Variants in MSRB3 observed in about 807,000 individuals in gnomAD.
The protein encoded by MSRB3 is methionine-R-sulfoxide reductase B3.
Under a neutral mutation model 21.0 loss-of-function variants are expected in MSRB3, and 13 were observed. That is an observed-to-expected ratio of 0.62 (90% CI 0.40 to 0.98). The LOEUF is 0.98. Among genes scored for constraint, MSRB3 ranks in the 50% least tolerant of loss-of-function variants. The pLI, the probability that MSRB3 is intolerant of heterozygous loss-of-function variation, is 0.00. For missense variants in MSRB3, 199 were observed against 230.3 expected (o/e 0.86, Z 0.88); for synonymous variants, 87 against 88.6 (o/e 0.98, Z 0.10).
intron 5 of MSRB3, among the ~76,000 whole-genome samples, chr12:65,409,201 CACAT>C (rs903248085): frequency 5.9e-5 from 9 of 151,880 alleles, no homozygotes; most frequent in Admixed American, 1.3e-4. Context: ...TACACACACA[CACAT>C]ACACATACAC....
At chr12:65,376,892 T>C (rs1374300334) in intron 5 of MSRB3, among the ~76,000 whole-genome samples, 2 of 152,206 alleles carry the variant, frequency 1.3e-5, no homozygotes, top group Non-Finnish European at 2.9e-5. Flanking sequence ...AACTCATATG[T>C]GAAGCAAGAA....
intron 5 of MSRB3, among the ~76,000 whole-genome samples, chr12:65,404,530 C>T (rs1180186078): frequency 2.6e-5 from 4 of 152,124 alleles, no homozygotes; most frequent in African/African-American, 9.7e-5. Flanking sequence ...ACATTTATTC[C>T]TCCTAATGCT....
intron 6 of MSRB3, chr12:65,454,293 T>TTAAA (rs71434084): frequency 0.1 from 15,257 of 145,964 alleles, 896 homozygotes; most frequent in East Asian, 0.22. Flanking sequence ...GTCTCATAAA[T>TTAAA]TAAATAAATA....
intron 4 of MSRB3, among the ~76,000 whole-genome samples, chr12:65,334,879 C>T (rs1565839619): frequency 6.6e-6 from 1 of 152,172 alleles, no homozygotes; most frequent in Non-Finnish European, 1.5e-5. Flanking sequence ...GTCACATTTT[C>T]TCAAATAGCT....
At chr12:65,349,045 C>T (rs868839878) in intron 4 of MSRB3, among the ~76,000 whole-genome samples, 1 of 152,090 alleles carries the variant, frequency 6.6e-6, no homozygotes, top group African/African-American at 2.4e-5. Context: ...TCTCCCAGTG[C>T]TATCCCTCCC....
chr12:65,415,385 G>C (rs976035516), intron 5 of MSRB3, among the ~76,000 whole-genome samples: 2 of 152,132 alleles, frequency 1.3e-5, no homozygotes, highest in Non-Finnish European at 2.9e-5. Flanking sequence ...TCAGATGGCT[G>C]TCTGGAGTTT....
chr12:65,359,790 A>G (rs181304444), intron 4 of MSRB3, among the ~76,000 whole-genome samples: 132 of 152,258 alleles, frequency 8.7e-4, no homozygotes, highest in Non-Finnish European at 1.0e-4. Context: ...AAAGTGTGGA[A>G]GAACTGTATA....
rs149028932 is a variant in MSRB3 at position 65,359,294 on chromosome 12, G to T, written c.264-9704G>T. 5.5e-3 allele frequency among the ~76,000 whole-genome samples: 842 copies of T among 151,986 alleles called. 11 individuals are homozygous for T. The highest frequency in any genetic ancestry group is 0.019 in the African/African-American group (782 of 41,464). Reference sequence around the variant, plus strand: ...CCAAAGTGCTAGTCAACTCTGTATTGCTCTTGTCTGAGATTTTTACAGCTT... The same window carrying T: ...CCAAAGTGCTAGTCAACTCTGTATTTCTCTTGTCTGAGATTTTTACAGCTT... On this transcript the variant is annotated intron_variant, in intron 4 of 6. Transcript: ENST00000308259.
At chr12:65,290,853 T>C (rs566850149) in intron 1 of MSRB3, among the ~76,000 whole-genome samples, 2 of 152,304 alleles carry the variant, frequency 1.3e-5, no homozygotes, top group East Asian at 1.9e-4. Context: ...ATCAGACATA[T>C]ATAATTGCTA....
chr12:65,369,899 G>GT (rs923178981), intron 5 of MSRB3, among the ~76,000 whole-genome samples: 1 of 152,072 alleles, frequency 6.6e-6, no homozygotes, highest in Non-Finnish European at 1.5e-5. Context: ...CTTTAAAAAT[G>GT]TTTTTACTTA....
chr12:65,371,636 T>C (rs1878334839), intron 5 of MSRB3, among the ~76,000 whole-genome samples: 2 of 151,982 alleles, frequency 1.3e-5, no homozygotes, highest in Non-Finnish European at 2.9e-5. Flanking sequence ...ACACACAAAG[T>C]ATATCAAGGA....
intron 5 of MSRB3, among the ~76,000 whole-genome samples, chr12:65,397,781 C>G (rs1169497982): frequency 6.6e-6 from 1 of 152,076 alleles, no homozygotes; most frequent in East Asian, 1.9e-4. Context: ...CTGACAGGCC[C>G]CAATGTGTGA....
chr12:65,364,346 G>A (rs569745856), intron 4 of MSRB3, among the ~76,000 whole-genome samples: 1 of 152,202 alleles, frequency 6.6e-6, no homozygotes, highest in Admixed American at 6.5e-5. Flanking sequence ...ATTAAAAGGG[G>A]GAGGATGAAT....
At chr12:65,411,351 T>C (rs1880706334) in intron 5 of MSRB3, among the ~76,000 whole-genome samples, 1 of 152,224 alleles carries the variant, frequency 6.6e-6, no homozygotes, top group African/African-American at 2.4e-5. Flanking sequence ...TTACTTTTTA[T>C]ATGTTTTACA....
chr12:65,422,387 A>AATATATATATAT (rs1565884963), intron 5 of MSRB3, among the ~76,000 whole-genome samples: 8 of 88,152 alleles, frequency 9.1e-5, no homozygotes, highest in South Asian at 4.4e-4. Context: ...GGGAGTACAT[A>AATATATATATAT]GTATATATAT....
intron 5 of MSRB3, among the ~76,000 whole-genome samples, chr12:65,401,987 G>A (rs940217975): frequency 3.9e-5 from 6 of 152,208 alleles, no homozygotes; most frequent in Non-Finnish European, 7.3e-5. Flanking sequence ...TCTGCTGTTA[G>A]TCTGATGGGC....
chr12:65,314,696 C>A (rs892544964), intron 2 of MSRB3, among the ~76,000 whole-genome samples: 1 of 151,734 alleles, frequency 6.6e-6, no homozygotes. Context: ...TCTTTATATA[C>A]CTTAAGAATT....
chr12:65,400,791 A>C (rs566632463), intron 5 of MSRB3, among the ~76,000 whole-genome samples: 1 of 152,270 alleles, frequency 6.6e-6, no homozygotes, highest in African/African-American at 2.4e-5. Flanking sequence ...GCTATGTCCC[A>C]GAGATTCTGG....
At chr12:65,428,360 G>A (rs1826664) in intron 5 of MSRB3, among the ~76,000 whole-genome samples, 26,921 of 151,672 alleles carry the variant, frequency 0.18, 2,927 homozygotes, top group Admixed American at 0.25. Context: ...ATAGGATCTT[G>A]GGGACTCTCT....
Sources: allele counts gnomAD v4.1 joint callset (sites outside exome capture counted in the v4.1 genomes callset), GRCh38; gene constraint gnomAD v4.1.1; transcripts MANE v1.5; gene names NCBI Gene and HGNC (gene_info 2026-07-23, HGNC 2026-07-21).